The following ABLIM1 variants were observed in gnomAD, a reference collection of about 807,000 sequenced individuals.
ABLIM1 encodes the protein actin binding LIM protein 1.
Under a neutral mutation model 107.0 loss-of-function variants are expected in ABLIM1, and 40 were observed. That is an observed-to-expected ratio of 0.37 (90% CI 0.29 to 0.49). The LOEUF (loss-of-function observed/expected upper bound fraction) is 0.49, where lower values mean the gene tolerates loss of function less well. Among genes scored for constraint, ABLIM1 ranks in the 20% least tolerant of loss-of-function variants. ABLIM1 has a pLI of 0.97. For synonymous variants in ABLIM1, 357 were observed against 357.3 expected, an observed-to-expected ratio of 1.00 and a Z score of 0.01; for missense variants, 857 against 1,008.5, an observed-to-expected ratio of 0.85 and a Z score of 2.04.
At chr10:114,588,487 C>CTTTTTTTTTTT (rs34043960) in intron 2 of ABLIM1, among the ~76,000 whole-genome samples, 23 of 76,542 alleles carry the variant, frequency 3.0e-4, no homozygotes, top group Non-Finnish European at 3.9e-4. Context: ...TTCTTTCTTT[C>CTTTTTTTTTTT]TTTTTTTTTT....
At chr10:114,666,112 T>C (rs2080015262) in intron 1 of ABLIM1, among the ~76,000 whole-genome samples, 2 of 152,200 alleles carry the variant, frequency 1.3e-5, no homozygotes. Context: ...GGACACAAAA[T>C]TGGCAGTCTC....
intron 1 of ABLIM1, among the ~76,000 whole-genome samples, chr10:114,753,138 A>G (rs808301): frequency 0.69 from 104,942 of 152,062 alleles, 36,382 homozygotes; most frequent in Non-Finnish European, 0.72. Context: ...TGGTATAGAA[A>G]TGGTCTCCCC....
intron 1 of ABLIM1, among the ~76,000 whole-genome samples, chr10:114,607,276 G>T (rs562891678): frequency 1.3e-3 from 194 of 152,282 alleles, no homozygotes; most frequent in South Asian, 9.3e-3. Flanking sequence ...TGGCCAGGAT[G>T]GTCTCCATCA....
At chr10:114,742,717 C>A (rs1476371473) in intron 1 of ABLIM1, among the ~76,000 whole-genome samples, 3 of 152,216 alleles carry the variant, frequency 2.0e-5, no homozygotes, top group African/African-American at 7.2e-5. Context: ...TCACTTGAAT[C>A]CAGAAGTTTG....
At chr10:114,643,908 T>C (rs961084326) in intron 1 of ABLIM1, among the ~76,000 whole-genome samples, 49 of 152,074 alleles carry the variant, frequency 3.2e-4, no homozygotes, top group African/African-American at 1.2e-3. Flanking sequence ...GAACCAAAAT[T>C]GTTTCTAATT....
intron 1 of ABLIM1, among the ~76,000 whole-genome samples, chr10:114,719,142 A>C (rs1032764349): frequency 2.0e-5 from 3 of 151,936 alleles, no homozygotes; most frequent in African/African-American, 4.8e-5. Flanking sequence ...AAAACCAAAC[A>C]AAAAAAACAC....
At chr10:114,468,102 T>A in intron 11 of ABLIM1, 79 bp downstream of exon 11, 1 of 1,317,006 alleles carries the variant, frequency 7.6e-7, no homozygotes, top group Non-Finnish European at 1.1e-6. Context: ...ATGTTCTTTT[T>A]CAAAAATCCC....
chr10:114,777,701 T>C, the ABLIM1 span, among the ~76,000 whole-genome samples: 1 of 152,202 alleles, frequency 6.6e-6, no homozygotes, highest in Admixed American at 6.5e-5. Flanking sequence ...TAGTTTATAA[T>C]CTGTCAAGCC....
At chr10:114,526,160 G>GA (rs149310794) in intron 6 of ABLIM1, among the ~76,000 whole-genome samples, 1,979 of 151,336 alleles carry the variant, frequency 0.013, 40 homozygotes, top group African/African-American at 0.044. Flanking sequence ...ATTTCTTAAA[G>GA]AAAAAAAAAT....
At chr10:114,638,766 G>A (rs1455103573) in intron 1 of ABLIM1, among the ~76,000 whole-genome samples, 2 of 152,134 alleles carry the variant, frequency 1.3e-5, no homozygotes, top group African/African-American at 2.4e-5. Flanking sequence ...CCTTGCCTGT[G>A]TAAAGCAATC....
chr10:114,619,505 AT>A lies in ABLIM1; in HGVS notation c.245-17545del, dbSNP rs1235473037. Among the ~76,000 whole-genome samples the A allele has an allele frequency of 3.9e-5, 6 of 151,924 alleles. No homozygotes were observed. In the South Asian group the frequency reaches 1.0e-3, roughly 26 times the overall value. ...AGCCACTGTGCCTGGCTGAAATGAT[AT>A]TTTTTTTCTGGAAAAGCTCTTACAC... On this transcript the variant is annotated intron_variant, in intron 1 of 22. Transcript: ENST00000533213. The surrounding 1 kb of genome is among the most constrained non-coding windows in gnomAD (Gnocchi z 4.1).
At chr10:114,575,641 C>T (rs2072421864) in intron 2 of ABLIM1, 42 bp from the exon 3 acceptor site, 5 of 1,584,378 alleles carry the variant, frequency 3.2e-6, no homozygotes, top group Non-Finnish European at 4.3e-6. Context: ...ATCTGCCACA[C>T]TGCCGGGCAG....
the ABLIM1 span, among the ~76,000 whole-genome samples, chr10:114,787,684 C>T: frequency 7.6e-6 from 1 of 130,756 alleles, no homozygotes; most frequent in East Asian, 2.4e-4. Flanking sequence ...GCCCGGCCAG[C>T]CACCCCGTCC....
chr10:114,778,891 AT>A, the ABLIM1 span: 1 of 152,122 alleles, frequency 6.6e-6, no homozygotes, highest in Non-Finnish European at 1.5e-5. Context: ...ATAACACAAA[AT>A]GAGTCCCTTA....
intron 1 of ABLIM1, among the ~76,000 whole-genome samples, chr10:114,627,084 G>T (rs747297262): frequency 6.6e-6 from 1 of 152,126 alleles, no homozygotes; most frequent in African/African-American, 2.4e-5. Flanking sequence ...CTCAGTCTGT[G>T]GTACTTTGTT....
upstream of ABLIM1, among the ~76,000 whole-genome samples, chr10:114,660,154 G>A (rs2079726117): frequency 6.6e-6 from 1 of 152,108 alleles, no homozygotes; most frequent in Admixed American, 6.5e-5. Flanking sequence ...CCAAAATTCT[G>A]GGAATTAAGC....
At chr10:114,791,408 G>A in the ABLIM1 span, among the ~76,000 whole-genome samples, 1 of 152,182 alleles carries the variant, frequency 6.6e-6, no homozygotes, top group Admixed American at 6.5e-5. Context: ...GGAGGCCAAA[G>A]CCGGCGGATC....
chr10:114,565,445 A>G (rs1314440079), intron 4 of ABLIM1, among the ~76,000 whole-genome samples: 4 of 152,242 alleles, frequency 2.6e-5, no homozygotes, highest in Non-Finnish European at 4.4e-5. Context: ...ATAAGTACAT[A>G]GCATTTTATT....
intron 4 of ABLIM1, among the ~76,000 whole-genome samples, chr10:114,564,078 CCTTAGT>C: frequency 6.6e-6 from 1 of 151,222 alleles, no homozygotes; most frequent in East Asian, 1.9e-4. Flanking sequence ...ACTCTCTCTA[CCTTAGT>C]CTTTCTAGAA....
Sources: allele counts gnomAD v4.1 joint callset (sites outside exome capture counted in the v4.1 genomes callset), GRCh38; gene constraint gnomAD v4.1.1; non-coding constraint Gnocchi (gnomAD v3.1); transcripts MANE v1.5; gene names NCBI Gene and HGNC (gene_info 2026-07-23, HGNC 2026-07-21).